Variants in ZNF536 observed in about 807,000 individuals in gnomAD.
ZNF536 encodes zinc finger protein 536.
ZNF536 carries 13 observed loss-of-function variants against 84.5 expected under a neutral mutation model. The observed-to-expected ratio is 0.15, with a 90% CI of 0.10 to 0.24. The LOEUF is 0.24. ZNF536 is among the 10% of genes least tolerant of loss of function. ZNF536 has a pLI of 1.00. For synonymous variants in ZNF536, 811 were observed against 742.5 expected (o/e 1.09, Z -1.50); for missense variants, 1,536 against 1,747.5 (o/e 0.88, Z 2.16).
chr19:30,707,626 T>C (rs2052294903), intron 1 of ZNF536, among the ~76,000 whole-genome samples: 3 of 152,304 alleles, frequency 2.0e-5, no homozygotes, highest in South Asian at 4.1e-4. Context: ...GATTTGCACA[T>C]TGTCTTCTTG....
At position 30,641,812 on chromosome 19, in the gene ZNF536, C is replaced by T. The variant is rs551776117; in HGVS notation, c.170-68945C>T. 4.8e-4 allele frequency among the ~76,000 whole-genome samples: 73 copies of T among 151,100 alleles called. 4 individuals carry two copies. The South Asian group carries it at 0.015, about 31-fold the overall frequency. On this transcript the variant is annotated intron_variant, in intron 1 of 1. Coordinates refer to the ZNF536 transcript ENST00000592773. ...ACAGGAATTAGGGGCTTCTCTTGGC[C>T]GGGATGTAATGCCTGTCCCAAGATG... is the stretch of plus-strand genomic sequence containing the variant.
At chr19:30,499,502 A>G (rs1375813850) in intron 2 of ZNF536, among the ~76,000 whole-genome samples, 2 of 152,124 alleles carry the variant, frequency 1.3e-5, no homozygotes, top group Non-Finnish European at 2.9e-5. Context: ...CTACCTATGT[A>G]TCTGTCTATG....
At chr19:30,638,223 A>G (rs2049142882) in intron 1 of ZNF536, among the ~76,000 whole-genome samples, 1 of 152,216 alleles carries the variant, frequency 6.6e-6, no homozygotes, top group Non-Finnish European at 1.5e-5. Context: ...CCATTTTAGC[A>G]TGTCTCTTCC....
chr19:30,229,588 T>A (rs1199592756), intron 1 of ZNF536, among the ~76,000 whole-genome samples: 1 of 152,062 alleles, frequency 6.6e-6, no homozygotes, highest in African/African-American at 2.4e-5. Flanking sequence ...GGCTCAGCTT[T>A]CAGTCCAGGG....
At chr19:30,509,534 A>T (rs537441998) in intron 2 of ZNF536, among the ~76,000 whole-genome samples, 7 of 149,222 alleles carry the variant, frequency 4.7e-5, no homozygotes, top group Non-Finnish European at 8.9e-5. Context: ...ATATAGTAAC[A>T]TATATTTATA....
chr19:30,252,829 T>A (rs146735404), intron 1 of ZNF536, among the ~76,000 whole-genome samples: 1 of 152,248 alleles, frequency 6.6e-6, no homozygotes, highest in Non-Finnish European at 1.5e-5. Context: ...TATGTAGGAA[T>A]GGCAGAAGGG....
At chr19:30,585,629 T>C (rs574784346) in intron 1 of ZNF536, among the ~76,000 whole-genome samples, 23 of 152,312 alleles carry the variant, frequency 1.5e-4, no homozygotes, top group South Asian at 2.1e-4. Context: ...AAGCCTTTTA[T>C]GCATCTAGAA....
At chr19:30,612,873 C>T (rs150061607) in intron 1 of ZNF536, among the ~76,000 whole-genome samples, 58 of 152,332 alleles carry the variant, frequency 3.8e-4, no homozygotes, top group African/African-American at 1.3e-3. Context: ...AATGTCCTTT[C>T]TCTGGGCCAG....
intron 2 of ZNF536, among the ~76,000 whole-genome samples, chr19:30,486,101 T>G (rs1348674665): frequency 6.6e-6 from 1 of 152,160 alleles, no homozygotes; most frequent in African/African-American, 2.4e-5. Context: ...TTTTTAAAAT[T>G]TATTTTGTTT....
chr19:30,576,889 C>A (rs545426882), intron 1 of ZNF536, among the ~76,000 whole-genome samples: 1 of 152,176 alleles, frequency 6.6e-6, no homozygotes, highest in Non-Finnish European at 1.5e-5. Flanking sequence ...CTCTGCAAGC[C>A]GGCACATCCC....
At chr19:30,443,533 C>T (rs1471351486) in intron 1 of ZNF536, 28 bp from the exon 2 acceptor site, 6 of 1,510,272 alleles carry the variant, frequency 4.0e-6, no homozygotes, top group Non-Finnish European at 4.4e-6. Flanking sequence ...GCACCTGGCA[C>T]GGATCTGAAC....
Position 30,485,461 on chromosome 19 carries a change from A to G in ZNF536, c.2170+39729A>G, listed in dbSNP as rs372545633. On this transcript the variant is annotated intron_variant, in intron 2 of 4. Coordinates refer to ENST00000355537, the MANE Select transcript of ZNF536 (RefSeq NM_014717.3). ...ACCTTTAGCTAGCAACTCCCAGCCC[A>G]AGACAACCGCACATCTCTTTCCTGT... 1.4e-3 allele frequency among the ~76,000 whole-genome samples: 217 copies of G among 152,310 alleles called. 1 individual carries two copies. The highest frequency in any genetic ancestry group is 5.1e-3 in the African/African-American group (211 of 41,574).
chr19:30,613,915 C>T (rs7259074), intron 1 of ZNF536, among the ~76,000 whole-genome samples: 6,539 of 152,210 alleles, frequency 0.043, 185 homozygotes, highest in Middle Eastern at 0.075. Flanking sequence ...CGGGCTGGAG[C>T]GCAGTGGTAC....
At chr19:30,472,555 G>T (rs1007748461) in intron 2 of ZNF536, among the ~76,000 whole-genome samples, 18 of 152,176 alleles carry the variant, frequency 1.2e-4, no homozygotes, top group Admixed American at 9.8e-4. Context: ...GGAGTCCCTT[G>T]TGTGAAAACT....
chr19:30,234,642 T>C (rs1271373344), intron 1 of ZNF536, among the ~76,000 whole-genome samples: 1 of 152,024 alleles, frequency 6.6e-6, no homozygotes, highest in Non-Finnish European at 1.5e-5. Flanking sequence ...CCTCAGGTGA[T>C]CCACCTGCCT....
intron 1 of ZNF536, among the ~76,000 whole-genome samples, chr19:30,692,685 C>T (rs562381311): frequency 6.6e-5 from 10 of 152,246 alleles, no homozygotes; most frequent in Admixed American, 3.9e-4. Flanking sequence ...CAACTGCTGG[C>T]GGTGACAGAG....
intron 1 of ZNF536, among the ~76,000 whole-genome samples, chr19:30,418,239 A>T (rs2050814625): frequency 6.6e-6 from 1 of 151,978 alleles, no homozygotes; most frequent in Non-Finnish European, 1.5e-5. Flanking sequence ...TTTGACATTG[A>T]TGGAGCATTC....
intron 2 of ZNF536, among the ~76,000 whole-genome samples, chr19:30,314,807 C>T (rs1312600294): frequency 6.6e-6 from 1 of 152,118 alleles, no homozygotes; most frequent in African/African-American, 2.4e-5. Flanking sequence ...TGGGTGATCG[C>T]ACCCAACCCC....
intron 1 of ZNF536, among the ~76,000 whole-genome samples, chr19:30,678,640 C>G (rs1223302933): frequency 6.6e-6 from 1 of 152,168 alleles, no homozygotes; most frequent in Non-Finnish European, 1.5e-5. Flanking sequence ...TGGCACTGGA[C>G]TCCTAGAGCC....
Sources: allele counts gnomAD v4.1 joint callset (sites outside exome capture counted in the v4.1 genomes callset), GRCh38; gene constraint gnomAD v4.1.1; transcripts MANE v1.5; gene names NCBI Gene and HGNC (gene_info 2026-07-23, HGNC 2026-07-21).